The following SPMIP3 variants were observed in gnomAD, a reference collection of about 807,000 sequenced individuals.
The protein encoded by SPMIP3 is protein SPMIP3.
chr1:244,371,661 TATG>T, the SPMIP3 span, among the ~76,000 whole-genome samples: 1 of 152,154 alleles, frequency 6.6e-6, no homozygotes, highest in African/African-American at 2.4e-5. Context: ...TGTTTGTTTG[TATG>T]CACGCCATGG....
the SPMIP3 span, among the ~76,000 whole-genome samples, chr1:244,356,006 A>G: frequency 3.9e-5 from 6 of 152,156 alleles, no homozygotes; most frequent in Non-Finnish European, 5.9e-5. Flanking sequence ...CTTGTATCCT[A>G]TGATCTCACT....
chr1:244,368,110 C>T, the SPMIP3 span, among the ~76,000 whole-genome samples: 1 of 152,036 alleles, frequency 6.6e-6, no homozygotes, highest in Admixed American at 6.6e-5. Context: ...CAGGCGCCCA[C>T]CACCACACCT....
chr1:244,369,113 T>C, the SPMIP3 span, among the ~76,000 whole-genome samples: 3 of 152,038 alleles, frequency 2.0e-5, no homozygotes, highest in African/African-American at 7.2e-5. Context: ...TGAGCCAAGA[T>C]TGCACCACTG....
At chr1:244,379,174 C>T in the SPMIP3 span, among the ~76,000 whole-genome samples, 49,564 of 151,380 alleles carry the variant, frequency 0.33, 8,792 homozygotes, top group African/African-American at 0.44. Flanking sequence ...ATGATCCGCC[C>T]GCCTAAGCCT....
chr1:244,361,822 G>T, the SPMIP3 span, among the ~76,000 whole-genome samples: 1 of 152,180 alleles, frequency 6.6e-6, no homozygotes, highest in African/African-American at 2.4e-5. Context: ...TCTTCAAAGG[G>T]ATAGTGGGGG....
At chr1:244,369,059 T>C in the SPMIP3 span, among the ~76,000 whole-genome samples, 1 of 152,200 alleles carries the variant, frequency 6.6e-6, no homozygotes, top group Non-Finnish European at 1.5e-5. Context: ...CTCGGGAGGC[T>C]GAGGCAGGAG....
the SPMIP3 span, among the ~76,000 whole-genome samples, chr1:244,387,934 T>A: frequency 3.0e-4 from 45 of 152,170 alleles, no homozygotes; most frequent in African/African-American, 1.0e-3. Flanking sequence ...TCTTTTTTTT[T>A]TTTTATTTTT....
At chr1:244,388,511 A>T in the SPMIP3 span, among the ~76,000 whole-genome samples, 1 of 152,022 alleles carries the variant, frequency 6.6e-6, no homozygotes, top group Non-Finnish European at 1.5e-5. Flanking sequence ...AACTTTGTTT[A>T]TTCTGTTTGG....
the SPMIP3 span, among the ~76,000 whole-genome samples, chr1:244,386,694 C>A: frequency 0.075 from 11,479 of 152,192 alleles, 932 homozygotes; most frequent in East Asian, 0.42. Context: ...GGATCACACT[C>A]GATTAAATCT....
chr1:244,368,086 G>A, the SPMIP3 span, among the ~76,000 whole-genome samples: 14 of 151,974 alleles, frequency 9.2e-5, no homozygotes, highest in East Asian at 2.5e-3. Context: ...TCAGCCTCTC[G>A]AGTGCTGGGA....
the SPMIP3 span, among the ~76,000 whole-genome samples, chr1:244,361,430 T>C: frequency 6.6e-6 from 1 of 152,060 alleles, no homozygotes; most frequent in Admixed American, 6.6e-5. Flanking sequence ...GGTTTCATCA[T>C]GTTGGCCAGG....
chr1:244,386,656 A>G, the SPMIP3 span, among the ~76,000 whole-genome samples: 1 of 152,246 alleles, frequency 6.6e-6, no homozygotes, highest in Admixed American at 6.5e-5. Context: ...AAAAACTTGA[A>G]AAGTCATGTG....
chr1:244,387,100 C>G, the SPMIP3 span, among the ~76,000 whole-genome samples: 7 of 152,090 alleles, frequency 4.6e-5, no homozygotes, highest in Non-Finnish European at 8.8e-5. Context: ...GTCAGGAGTT[C>G]GAGACTAGCC....
chr1:244,358,738 C>A, the SPMIP3 span, among the ~76,000 whole-genome samples: 153 of 152,080 alleles, frequency 1.0e-3, 2 homozygotes, highest in Non-Finnish European at 4.0e-4. Flanking sequence ...TTACTCTGGG[C>A]ATACAATGTT....
the SPMIP3 span, among the ~76,000 whole-genome samples, chr1:244,383,280 G>A: frequency 1.1e-4 from 17 of 152,318 alleles, no homozygotes; most frequent in South Asian, 3.3e-3. Flanking sequence ...GGGGGACCGA[G>A]GTGGGAGGAC....
At chr1:244,378,609 C>A in the SPMIP3 span, 1 of 1,613,774 alleles carries the variant, frequency 6.2e-7, no homozygotes, top group South Asian at 1.1e-5. Flanking sequence ...CACTTACCGA[C>A]GAGACTATTC....
At chr1:244,372,138 G>C in the SPMIP3 span, among the ~76,000 whole-genome samples, 1 of 152,060 alleles carries the variant, frequency 6.6e-6, no homozygotes. Context: ...CCTTTGCTTG[G>C]AATCTCTTCC....
At chr1:244,373,021 T>C in the SPMIP3 span, among the ~76,000 whole-genome samples, 3 of 152,102 alleles carry the variant, frequency 2.0e-5, no homozygotes, top group South Asian at 6.2e-4. Context: ...AGCTTCGTCA[T>C]GTCCCACATA....
chr1:244,376,490 G>A, the SPMIP3 span: 4 of 152,220 alleles, frequency 2.6e-5, no homozygotes, highest in South Asian at 2.1e-4. Context: ...AAACATAAAC[G>A]TTTATGAGAA....
Sources: gnomAD v4.1 joint callset for allele counts (sites outside exome capture counted in the v4.1 genomes callset) on GRCh38, gnomAD v4.1.1 for gene constraint, MANE v1.5 for transcripts, NCBI Gene and HGNC (gene_info 2026-07-23, HGNC 2026-07-21) for gene names.